Variants in RTEL1 observed in about 807,000 individuals in gnomAD.
RTEL1 encodes regulator of telomere length.
In RTEL1, 86 loss-of-function variants were observed where a neutral mutation model predicts 162.2. The observed-to-expected ratio is 0.53, with a 90% CI of 0.45 to 0.63. The LOEUF is 0.63. Among genes scored for constraint, RTEL1 ranks in the 30% least tolerant of loss-of-function variants. The probability of loss-of-function intolerance (pLI) is 0.00; values close to 1 mark genes in which losing one functional copy is unlikely to be tolerated. For synonymous variants in RTEL1, 958 were observed against 717.9 expected, an observed-to-expected ratio of 1.33 and a Z score of -5.35; for missense variants, 1,941 against 1,750.2, an observed-to-expected ratio of 1.11 and a Z score of -1.95.
chr20:63,676,471 C>A (rs2090351228), intron 10 of RTEL1, among the ~76,000 whole-genome samples: 1 of 152,082 alleles, frequency 6.6e-6, no homozygotes, highest in African/African-American at 2.4e-5. Flanking sequence ...CCGTTTCTTC[C>A]CATGTGAACA....
rs1354993689 is a variant in RTEL1, at chr20:63,695,459, G to A, written c.3631G>A (p.Gly1211Arg). ...GPSQSSGPPH[G>R]PAASEWGEPH... Reference sequence around the variant, plus strand: ...CAGCCAGTCCTCAGGACCTCCCCACGGGCCTGCAGCATCTGAGTGGGGTGA... The same window carrying A: ...CAGCCAGTCCTCAGGACCTCCCCACAGGCCTGCAGCATCTGAGTGGGGTGA... Residue 1211 changes from glycine to arginine, a missense_variant, in exon 34 of 35, where the codon GGG becomes AGG. Physicochemically the swap from Gly to Arg is moderately radical, Grantham distance 125 (BLOSUM62 -2). Transcript: ENST00000360203. 5.6e-6 allele frequency: 9 copies of A among 1,593,354 alleles called. No individual in the cohort carries two copies. Among genetic ancestry groups the A allele is most frequent in the Non-Finnish European group, 6.0e-6 (7 of 1,169,148 alleles).
At chr20:63,691,392 G>T (rs966688944) in intron 27 of RTEL1, among the ~76,000 whole-genome samples, 29 of 152,156 alleles carry the variant, frequency 1.9e-4, no homozygotes, top group African/African-American at 7.0e-4. Flanking sequence ...TTCCTGCTGG[G>T]AGCCATTCCC....
chr20:63,694,259 G>C, intron 30 of RTEL1, 113 bp from the exon 31 acceptor site: 1 of 911,954 alleles, frequency 1.1e-6, no homozygotes, highest in Non-Finnish European at 1.8e-6. Context: ...GGGTTTTCCC[G>C]CCCTGGTCTG....
chr20:63,676,890 G>A (rs948610838), intron 10 of RTEL1, among the ~76,000 whole-genome samples: 11 of 140,140 alleles, frequency 7.8e-5, no homozygotes, highest in African/African-American at 2.2e-4. Flanking sequence ...AGCCGAGATC[G>A]CACCATTGCA....
rs971963125 is a variant in RTEL1, at chr20:63,668,904, G to C, written c.699+1351G>C. On this transcript the variant is annotated intron_variant, in intron 8 of 34. Transcript: ENST00000360203. The surrounding 1 kb of genome is among the most constrained non-coding windows in gnomAD (Gnocchi z 4.3). Reference sequence around the variant, plus strand: ...AGACTCCTCTAAAGCTGCAGGAGTGGAGGTGGAGATGGCCCAGCTCAGGCA... The same window carrying C: ...AGACTCCTCTAAAGCTGCAGGAGTGCAGGTGGAGATGGCCCAGCTCAGGCA... Among the ~76,000 whole-genome samples the C allele has an allele frequency of 2.0e-5, 3 of 152,240 alleles. No homozygotes were observed. The highest frequency in any genetic ancestry group is 7.2e-5 in the African/African-American group (3 of 41,458).
rs201231526 is a variant in RTEL1, at chr20:63,662,650, C to T, written c.477+23C>T. On this transcript the variant is annotated intron_variant, in intron 5 of 34. Coordinates refer to ENST00000360203, the MANE Select transcript of RTEL1 (RefSeq NM_001283009.2). ...CAGGTAGGCTCCTGGGCTCCCGCTC[C>T]GGCTCAGTGTCCGACAGGCGAGTGC... The T allele has an allele frequency of 1.7e-4, 273 of 1,613,180 alleles. 2 individuals are homozygous for T. The South Asian group carries it at 2.3e-3, about 13-fold the overall frequency.
At chr20:63,685,255 G>A (rs191294331) in intron 14 of RTEL1, among the ~76,000 whole-genome samples, 6 of 152,254 alleles carry the variant, frequency 3.9e-5, no homozygotes, top group Admixed American at 3.3e-4. Context: ...CAGTTGGCGG[G>A]AGGAGAGGCC....
Position 63,665,969 on chromosome 20 carries a change from G to C in RTEL1, c.539-35G>C, listed in dbSNP as rs1601095965. 16 of 1,605,054 alleles carry C rather than the reference G, an allele frequency of 1.0e-5. No individual in the cohort carries two copies. In the East Asian group the frequency reaches 3.6e-4, roughly 36 times the overall value. ...TGTGGTCTGGGACTTAGTGGACCCTGAGGGTGTGTGTTTACCCCTGCCTCA... is the reference window on the plus strand; with the variant it reads ...TGTGGTCTGGGACTTAGTGGACCCTCAGGGTGTGTGTTTACCCCTGCCTCA... On this transcript the variant is annotated intron_variant, in intron 6 of 34. Transcript: ENST00000360203.
chr20:63,694,304 G>GGCC, intron 30 of RTEL1, 68 bp from the exon 31 acceptor site: 6 of 812,998 alleles, frequency 7.4e-6, no homozygotes, highest in East Asian at 2.9e-5. Flanking sequence ...AGCCAGCCCT[G>GGCC]CCCCCCCACC....
Position 63,688,023 on chromosome 20 carries a change from C to T in RTEL1, c.1568C>T (p.Ala523Val). 1.2e-6 allele frequency: 2 copies of T among 1,612,796 alleles called. No homozygotes were observed. Among genetic ancestry groups the T allele is most frequent in the Non-Finnish European group, 8.5e-7 (1 of 1,179,970 alleles). ...GTCGTCCCCAGAGGCCCCGATGGAGCCCAGTTGAGCTCCGCGTTTGACAGA... is the reference window on the plus strand; with the variant it reads ...GTCGTCCCCAGAGGCCCCGATGGAGTCCAGTTGAGCTCCGCGTTTGACAGA... The part of the protein sequence containing the change: ...VGVVPRGPDG[A>V]QLSSAFDRRF... The change falls in exon 18 of 35, where the codon GCC (alanine) becomes GTC (valine). Residue 523 changes from alanine to valine, a missense_variant. Physicochemically the swap from Ala to Val is moderately conservative, Grantham distance 64. Transcript: ENST00000360203.
At chr20:63,658,105 TGGG>T (rs1367108150), upstream of RTEL1, 2 of 151,858 alleles carry the variant, frequency 1.3e-5, no homozygotes, top group African/African-American at 4.8e-5. Flanking sequence ...CAGACCCTGG[TGGG>T]GGAATGACAT....
At position 63,694,469 on chromosome 20, in the gene RTEL1, G is replaced by T. The variant is rs187238540; in HGVS notation, c.3090G>T (p.Ser1030=). The part of the protein sequence containing the change: ...EHLNQGRPHL[S]PRPPPTGDPG... ...TGAACCAGGGCAGGCCCCACCTGTC[G>T]CCCAGGCCACCCCCAACAGGTAGCT... Residue 1030 remains serine, a synonymous_variant, in exon 31 of 35, where the codon TCG becomes TCT. Coordinates refer to ENST00000360203, the MANE Select transcript of RTEL1 (RefSeq NM_001283009.2). 1.9e-6 allele frequency: 3 copies of T among 1,601,694 alleles called. No homozygotes were observed. Among genetic ancestry groups the T allele is most frequent in the Non-Finnish European group, 2.6e-6 (3 of 1,171,098 alleles).
At position 63,688,194 on chromosome 20, in the gene RTEL1, T is replaced by C. The variant is rs368333990; in HGVS notation, c.1636+15T>C. The C allele has an allele frequency of 8.1e-6, 13 of 1,611,436 alleles. No individual in the cohort carries two copies. Among genetic ancestry groups the C allele is most frequent in the African/African-American group, 1.3e-5 (1 of 74,910 alleles). On this transcript the variant is annotated intron_variant, in intron 19 of 34. Coordinates refer to ENST00000360203, the MANE Select transcript of RTEL1 (RefSeq NM_001283009.2). ...GAAGGCTCTGGGTGAGTGCCCTGAATGCCCCAGCTGTGCCCATCCTGGATC... is the reference window on the plus strand; with the variant it reads ...GAAGGCTCTGGGTGAGTGCCCTGAACGCCCCAGCTGTGCCCATCCTGGATC...
At chr20:63,664,499 C>T (rs888382407) in intron 6 of RTEL1, among the ~76,000 whole-genome samples, 1 of 152,152 alleles carries the variant, frequency 6.6e-6, no homozygotes, top group African/African-American at 2.4e-5. Flanking sequence ...CCTGGTGCTG[C>T]TTCCGTCTGT....
chr20:63,658,570 G>A (rs962952364), intron 1 of RTEL1, 104 bp downstream of exon 1: 3 of 152,286 alleles, frequency 2.0e-5, no homozygotes, highest in Non-Finnish European at 4.4e-5. Context: ...AGCCGCCCTC[G>A]GGGCCGCGGG....
chr20:63,689,745 C>A lies in RTEL1; in HGVS notation c.2026-5C>A. 6.2e-7 allele frequency: 1 copy of A among 1,611,324 alleles called. No homozygotes were observed. Among genetic ancestry groups the A allele is most frequent in the Non-Finnish European group, 8.5e-7 (1 of 1,179,104 alleles). ...CCCCCGTGACCGAGCCGCCTCGCCC[C>A]ACAGTTCCTCTCTGGGCAGGAGTGG... On this transcript the variant is annotated splice_polypyrimidine_tract_variant and splice_region_variant and intron_variant, in intron 23 of 34. Transcript: ENST00000360203.
rs532800228 is a variant in RTEL1 at position 63,659,309 on chromosome 20, C to T, written c.-94C>T. 3 of 822,706 alleles carry T rather than the reference C, an allele frequency of 3.6e-6. No individual in the cohort carries two copies. Among genetic ancestry groups the T allele is most frequent in the East Asian group, 5.0e-5 (2 of 39,868 alleles). 51.0% of individuals were successfully genotyped at this position (822,706 alleles called of 1,614,324 possible). Reference sequence around the variant, plus strand: ...TGCTCGCATCGCTTACCAGGAGTGCCCGAGACCCTAAGATGTTCGGAGTGG... The same window carrying T: ...TGCTCGCATCGCTTACCAGGAGTGCTCGAGACCCTAAGATGTTCGGAGTGG... On this transcript the variant is annotated 5_prime_UTR_variant, in exon 2 of 35. Coordinates refer to ENST00000360203, the MANE Select transcript of RTEL1 (RefSeq NM_001283009.2).
chr20:63,678,561 C>T (rs1284361929), intron 12 of RTEL1, among the ~76,000 whole-genome samples: 1 of 149,750 alleles, frequency 6.7e-6, no homozygotes, highest in Non-Finnish European at 1.5e-5. Context: ...ACACAGCCCC[C>T]CACGGAACGG....
intron 4 of RTEL1, 70 bp from the exon 5 acceptor site, chr20:63,662,476 C>T (rs770613172): frequency 1.3e-5 from 21 of 1,597,302 alleles, no homozygotes; most frequent in Admixed American, 1.8e-5. Flanking sequence ...CCATACAGCT[C>T]ACGCTGCAGG....
Sources: allele counts gnomAD v4.1 joint callset (sites outside exome capture counted in the v4.1 genomes callset), GRCh38; gene constraint gnomAD v4.1.1; non-coding constraint Gnocchi (gnomAD v3.1); transcripts MANE v1.5; gene names NCBI Gene and HGNC (gene_info 2026-07-23, HGNC 2026-07-21).